Variants in KICS2 observed in about 807,000 individuals in gnomAD.
KICS2 encodes KICSTOR complex protein C12orf66.
A neutral mutation model predicts 31.4 loss-of-function variants in KICS2; 13 were observed. The ratio of observed to expected loss-of-function variants is 0.41; its 90% CI spans 0.27 to 0.66. KICS2 has a LOEUF of 0.66. Among genes scored for constraint, KICS2 ranks in the 30% least tolerant of loss-of-function variants. KICS2 has a pLI of 0.28. For synonymous variants in KICS2, 209 were observed against 214.8 expected (o/e 0.97, Z 0.24); for missense variants, 455 against 545.4 (o/e 0.83, Z 1.65).
chr12:64,215,743 C>T lies in KICS2; in HGVS notation c.456G>A (p.Gln152=). The change falls in exon 2 of 3, where the codon CAG becomes CAA. Residue 152 remains glutamine, a synonymous_variant. Transcript: ENST00000398055. ...CGAGCTCTTCAGCATTGATGAACTT[C>T]TGTGTGCTGAGGGTGTACATCTTCT... ...FYEKMYTLST[Q]KFINAEELVG... 6.2e-7 allele frequency: 1 copy of T among 1,614,084 alleles called. No homozygotes were observed. Among genetic ancestry groups the T allele is most frequent in the Non-Finnish European group, 8.5e-7 (1 of 1,180,034 alleles).
chr12:64,202,375 G>C (rs1301434004), intron 2 of KICS2, among the ~76,000 whole-genome samples: 1 of 151,848 alleles, frequency 6.6e-6, no homozygotes, highest in Non-Finnish European at 1.5e-5. Context: ...GCACTACTGT[G>C]CTTCACAGAG....
At chr12:64,189,757 G>C (rs912026809), downstream of KICS2, among the ~76,000 whole-genome samples, 6 of 152,152 alleles carry the variant, frequency 3.9e-5, no homozygotes, top group Admixed American at 3.3e-4. Flanking sequence ...TTTGGAGTAA[G>C]CAGTAGCAGT....
intron 2 of KICS2, among the ~76,000 whole-genome samples, chr12:64,205,496 C>CA (rs2037527816): frequency 6.6e-6 from 1 of 152,040 alleles, no homozygotes. Context: ...GGTTGTAATC[C>CA]AAAAATATCC....
chr12:64,215,768 T>G lies in KICS2; in HGVS notation c.431A>C (p.Glu144Ala). Residue 144 changes from glutamate to alanine, a missense_variant, in exon 2 of 3, where the codon GAG becomes GCG. Transcript: ENST00000398055. ...CTGTGTGCTGAGGGTGTACATCTTC[T>G]CATAGAAGTCTGCTATCTCCATCCG... Reference protein sequence around the residue: ...QARMEIADFYEKMYTLSTQKF... With the variant: ...QARMEIADFYAKMYTLSTQKF... 6.2e-7 allele frequency: 1 copy of G among 1,614,134 alleles called. No individual in the cohort carries two copies. Among genetic ancestry groups the G allele is most frequent in the Non-Finnish European group, 8.5e-7 (1 of 1,180,032 alleles).
chr12:64,196,870 T>G (rs1246318790), intron 2 of KICS2, among the ~76,000 whole-genome samples: 1 of 150,212 alleles, frequency 6.7e-6, no homozygotes, highest in African/African-American at 2.5e-5. Flanking sequence ...ATGAAATGAA[T>G]GAAATGAAGC....
rs1437507698 is a variant in KICS2 at position 64,216,109 on chromosome 12, TATAAATACTTTATGATAATCATAA to T, written c.236-170_236-147del. ...CCATATTCTCTGTCTATGATTGAGA[TATAAATACTTTATGATAATCATAA>T]ATACTTTATGATTATCATAAATACT... On this transcript the variant is annotated intron_variant, in intron 1 of 2. Coordinates refer to ENST00000398055, the MANE Select transcript of KICS2 (RefSeq NM_152440.5). 8.3e-6 allele frequency: 3 copies of T among 363,068 alleles called. No individual in the cohort carries two copies. In the East Asian group the frequency reaches 1.3e-4, roughly 16 times the overall value. 22.5% of individuals were successfully genotyped at this position (363,068 alleles called of 1,614,324 possible).
chr12:64,204,740 A>C (rs2037521172), intron 2 of KICS2: 1 of 152,084 alleles, frequency 6.6e-6, no homozygotes, highest in Admixed American at 6.6e-5. Context: ...CCATGATCAC[A>C]CCACTGCGCT....
At chr12:64,196,844 G>C (rs2037445039) in intron 2 of KICS2, among the ~76,000 whole-genome samples, 1 of 150,712 alleles carries the variant, frequency 6.6e-6, no homozygotes, top group African/African-American at 2.5e-5. Flanking sequence ...GGAAGAAAGG[G>C]TATCAGCGAT....
chr12:64,194,548 G>A lies in KICS2; in HGVS notation c.632C>T (p.Pro211Leu), dbSNP rs1023609901. 6.2e-7 allele frequency: 1 copy of A among 1,614,154 alleles called. No homozygotes were observed. The highest frequency in any genetic ancestry group is 1.7e-5 in the Admixed American group (1 of 60,020). ...QAQVSEWKFLPSLVNLHSAHT... is the reference protein window; with the variant it reads ...QAQVSEWKFLLSLVNLHSAHT... ...CGCACTGTGTAAATTAACCAGAGAT[G>A]GGAGGAACTTCCACTCTGAGACCTG... Residue 211 changes from proline to leucine, a missense_variant, in exon 3 of 3, where the codon CCA becomes CTA. Transcript: ENST00000398055.
chr12:64,205,754 G>GAAAAGGGAAGGAAGGA (rs200573953), intron 2 of KICS2, among the ~76,000 whole-genome samples: 21 of 56,836 alleles, frequency 3.7e-4, no homozygotes, highest in East Asian at 5.9e-4. Flanking sequence ...GGGAGGGAGG[G>GAAAAGGGAAGGAAGGA]AAAAGGGAAG....
At chr12:64,219,855 C>T (rs2037663318) in intron 1 of KICS2, among the ~76,000 whole-genome samples, 1 of 152,032 alleles carries the variant, frequency 6.6e-6, no homozygotes, top group Non-Finnish European at 1.5e-5. Context: ...TTTTGTTTTG[C>T]TTTCTAAAGA....
intron 2 of KICS2, among the ~76,000 whole-genome samples, chr12:64,205,536 G>C (rs1012854118): frequency 5.3e-5 from 8 of 150,616 alleles, no homozygotes; most frequent in African/African-American, 2.0e-4. Flanking sequence ...GCTTGAAAGA[G>C]TCTGAATAGT....
intron 1 of KICS2, chr12:64,221,588 G>A: frequency 5.1e-6 from 1 of 197,134 alleles, no homozygotes; most frequent in Non-Finnish European, 1.1e-5. Context: ...GTGACTCTCG[G>A]GCCTTAACCT....
At chr12:64,210,253 G>C (rs778693484) in intron 2 of KICS2, among the ~76,000 whole-genome samples, 2 of 152,166 alleles carry the variant, frequency 1.3e-5, no homozygotes, top group Non-Finnish European at 2.9e-5. Context: ...TTAGAGAAAG[G>C]CAGCATGGGT....
chr12:64,217,027 TA>T (rs2037635687), intron 1 of KICS2, among the ~76,000 whole-genome samples: 2 of 152,220 alleles, frequency 1.3e-5, no homozygotes, highest in African/African-American at 4.8e-5. Flanking sequence ...TAATTAGGAA[TA>T]AAAATGTATC....
intron 2 of KICS2, among the ~76,000 whole-genome samples, chr12:64,214,116 C>G (rs1024559494): frequency 6.6e-6 from 1 of 152,202 alleles, no homozygotes; most frequent in African/African-American, 2.4e-5. Context: ...ACTCCTGGTT[C>G]AAAACTTTTC....
At chr12:64,208,662 T>C (rs1445957281) in intron 2 of KICS2, among the ~76,000 whole-genome samples, 2 of 152,186 alleles carry the variant, frequency 1.3e-5, no homozygotes, top group South Asian at 2.1e-4. Flanking sequence ...CGTGAGAAAT[T>C]TGTGAATTAA....
At chr12:64,213,889 C>T (rs1286032453) in intron 2 of KICS2, among the ~76,000 whole-genome samples, 1 of 152,192 alleles carries the variant, frequency 6.6e-6, no homozygotes. Flanking sequence ...TCATCTTTGA[C>T]AGCAACCTCT....
At chr12:64,196,102 C>T (rs2037434191) in intron 2 of KICS2, among the ~76,000 whole-genome samples, 1 of 152,248 alleles carries the variant, frequency 6.6e-6, no homozygotes, top group Non-Finnish European at 1.5e-5. Context: ...CCCACCACAG[C>T]TCAAGGAGGC....
Sources: gnomAD v4.1 joint callset for allele counts (sites outside exome capture counted in the v4.1 genomes callset) on GRCh38, gnomAD v4.1.1 for gene constraint, MANE v1.5 for transcripts, NCBI Gene and HGNC (gene_info 2026-07-23, HGNC 2026-07-21) for gene names.